PAPPA2: variants seen among roughly 807,000 people sequenced by gnomAD.
The protein encoded by PAPPA2 is pappalysin-2.
In PAPPA2, 86 loss-of-function variants were observed where a neutral mutation model predicts 176.4. The ratio of observed to expected loss-of-function variants is 0.49; its 90% CI spans 0.41 to 0.58. The LOEUF is 0.58. Among genes scored for constraint, PAPPA2 ranks in the 20% least tolerant of loss-of-function variants. PAPPA2 has a pLI of 0.00. For synonymous variants in PAPPA2, 809 were observed against 852.2 expected (o/e 0.95, Z 0.88); for missense variants, 2,073 against 2,256.9 (o/e 0.92, Z 1.65).
At chr1:176,782,072 T>A (rs1664744362) in intron 17 of PAPPA2, among the ~76,000 whole-genome samples, 1 of 152,228 alleles carries the variant, frequency 6.6e-6, no homozygotes, top group South Asian at 2.1e-4. Flanking sequence ...GAGAGGTAAT[T>A]TATCCATAGC....
intron 3 of PAPPA2, among the ~76,000 whole-genome samples, chr1:176,649,670 C>T (rs1028037690): frequency 1.3e-5 from 2 of 151,478 alleles, no homozygotes; most frequent in East Asian, 3.9e-4. Flanking sequence ...AATGGTCACT[C>T]AGAAACATGT....
intron 21 of PAPPA2, among the ~76,000 whole-genome samples, chr1:176,801,601 G>T (rs1044728337): frequency 6.6e-6 from 1 of 152,062 alleles, no homozygotes; most frequent in Non-Finnish European, 1.5e-5. Context: ...GGGTGGGGAC[G>T]CGGGAGAGAG....
In PAPPA2 at chr1:176,555,557, C is replaced by T. The variant is rs1179042322; in HGVS notation, c.-766C>T. On this transcript the variant is annotated 5_prime_UTR_variant, in exon 2 of 23. Coordinates refer to ENST00000367662, the MANE Select transcript of PAPPA2 (RefSeq NM_020318.3). Reference sequence around the variant, plus strand: ...ATTAAAAGCCTTCAACAACCAACAACCCCAAGCATCAAACTGAAGGAAACA... The same window carrying T: ...ATTAAAAGCCTTCAACAACCAACAATCCCAAGCATCAAACTGAAGGAAACA... 1 of 152,214 alleles carries T rather than the reference C, an allele frequency of 6.6e-6. No homozygotes were observed. The highest frequency in any genetic ancestry group is 2.4e-5 in the African/African-American group (1 of 41,436). The allele number at this position is 152,214 out of a possible 1,614,324, so 9.4% of individuals were successfully genotyped here.
chr1:176,717,307 G>A lies in PAPPA2; in HGVS notation c.3798+5326G>A, dbSNP rs74127230. ...CTCTAGTTGCCCTAACTGCTCATTA[G>A]CATAAAGACACTTCCAGCAGCACCA... On this transcript the variant is annotated intron_variant, in intron 12 of 22. Transcript: ENST00000367662. Among the ~76,000 whole-genome samples the A allele has an allele frequency of 2.5e-3, 378 of 152,194 alleles. 3 individuals carry two copies. The highest frequency in any genetic ancestry group is 8.7e-3 in the African/African-American group (361 of 41,534).
intron 1 of PAPPA2, among the ~76,000 whole-genome samples, chr1:176,528,160 G>T (rs1165909260): frequency 6.6e-6 from 1 of 152,076 alleles, no homozygotes; most frequent in Non-Finnish European, 1.5e-5. Flanking sequence ...GCATTTGAAT[G>T]GTTCTGCATT....
chr1:176,677,085 T>C (rs1033867449), intron 4 of PAPPA2, among the ~76,000 whole-genome samples: 1 of 152,098 alleles, frequency 6.6e-6, no homozygotes, highest in Non-Finnish European at 1.5e-5. Context: ...AATAGGAAAT[T>C]GTTTGTGTTC....
In PAPPA2 at chr1:176,810,468, G is replaced by A. The variant is rs561003289; in HGVS notation, c.5202+10336G>A. On this transcript the variant is annotated intron_variant, in intron 21 of 22. Coordinates refer to ENST00000367662, the MANE Select transcript of PAPPA2 (RefSeq NM_020318.3). ...CAGGCATTATTTAGATTCTCATAAGGAGCGTGCAACCTAGATCCCTCACAT... is the reference window on the plus strand; with the variant it reads ...CAGGCATTATTTAGATTCTCATAAGAAGCGTGCAACCTAGATCCCTCACAT... 3.9e-5 allele frequency among the ~76,000 whole-genome samples: 6 copies of A among 152,194 alleles called. No individual in the cohort carries two copies. In the East Asian group the frequency reaches 1.2e-3, roughly 29 times the overall value.
At chr1:176,778,609 AAAAGT>A (rs925005195) in intron 17 of PAPPA2, among the ~76,000 whole-genome samples, 8 of 152,222 alleles carry the variant, frequency 5.3e-5, no homozygotes, top group African/African-American at 1.9e-4. Context: ...AAAAAATTAT[AAAAGT>A]AATCTACCTA....
chr1:176,551,894 A>G (rs778781748), intron 1 of PAPPA2, among the ~76,000 whole-genome samples: 1 of 152,182 alleles, frequency 6.6e-6, no homozygotes, highest in Non-Finnish European at 1.5e-5. Flanking sequence ...GGTGAAAGAA[A>G]GAAGGTGGAG....
At chr1:176,587,925 G>GT (rs889851197) in intron 2 of PAPPA2, among the ~76,000 whole-genome samples, 6 of 152,062 alleles carry the variant, frequency 3.9e-5, no homozygotes, top group East Asian at 1.9e-4. Flanking sequence ...ATTTAAAATA[G>GT]TTTTTTTTCT....
At chr1:176,764,316 CA>C (rs1219169448) in intron 14 of PAPPA2, among the ~76,000 whole-genome samples, 1 of 152,078 alleles carries the variant, frequency 6.6e-6, no homozygotes, top group East Asian at 1.9e-4. Flanking sequence ...AATGGGAGAA[CA>C]AAAAAGTGGG....
intron 12 of PAPPA2, among the ~76,000 whole-genome samples, chr1:176,719,238 C>A (rs1661510879): frequency 6.6e-6 from 1 of 151,146 alleles, no homozygotes; most frequent in Non-Finnish European, 1.5e-5. Flanking sequence ...ATTAAATGCT[C>A]TCTTATTTTT....
intron 12 of PAPPA2, among the ~76,000 whole-genome samples, chr1:176,718,884 A>G (rs1661491793): frequency 6.6e-6 from 1 of 152,006 alleles, no homozygotes; most frequent in African/African-American, 2.4e-5. Context: ...CATTCCATAT[A>G]TTTAAAATGT....
At chr1:176,466,733 T>C (rs889194593) in intron 1 of PAPPA2, among the ~76,000 whole-genome samples, 1 of 152,038 alleles carries the variant, frequency 6.6e-6, no homozygotes, top group Admixed American at 6.6e-5. Flanking sequence ...CACCTAGGGG[T>C]GGCCCTGTGT....
At chr1:176,673,000 G>A (rs1659096154) in intron 4 of PAPPA2, among the ~76,000 whole-genome samples, 1 of 152,120 alleles carries the variant, frequency 6.6e-6, no homozygotes, top group Non-Finnish European at 1.5e-5. Flanking sequence ...ATAAACCAAA[G>A]AAGGCATTCA....
intron 15 of PAPPA2, 64 bp downstream of exon 15, chr1:176,765,901 C>T (rs1663943426): frequency 6.4e-7 from 1 of 1,559,542 alleles, no homozygotes; most frequent in South Asian, 1.2e-5. Flanking sequence ...TCACACTCTT[C>T]TCTCTGGCTC....
intron 10 of PAPPA2, among the ~76,000 whole-genome samples, chr1:176,706,731 A>AATCTG (rs1438500102): frequency 6.6e-6 from 1 of 152,180 alleles, no homozygotes; most frequent in Non-Finnish European, 1.5e-5. Context: ...ACAGCTCTAG[A>AATCTG]ATCTGCGTGG....
At chr1:176,499,280 T>C (rs1647820282) in intron 1 of PAPPA2, among the ~76,000 whole-genome samples, 1 of 152,226 alleles carries the variant, frequency 6.6e-6, no homozygotes, top group African/African-American at 2.4e-5. Context: ...GACTAGTAAA[T>C]TAACCATAAG....
intron 17 of PAPPA2, among the ~76,000 whole-genome samples, chr1:176,776,893 A>T (rs1220892404): frequency 2.6e-5 from 4 of 150,964 alleles, no homozygotes; most frequent in Non-Finnish European, 5.9e-5. Context: ...ATTTTAGTGT[A>T]TTATTATTAT....
Sources: allele counts gnomAD v4.1 joint callset (sites outside exome capture counted in the v4.1 genomes callset), GRCh38; gene constraint gnomAD v4.1.1; transcripts MANE v1.5; gene names NCBI Gene and HGNC (gene_info 2026-07-23, HGNC 2026-07-21).